DLG2: variants seen among roughly 807,000 people sequenced by gnomAD.
DLG2 encodes discs large MAGUK scaffold protein 2, also known as disks large homolog 2.
In DLG2, 45 loss-of-function variants were observed where a neutral mutation model predicts 132.5. The ratio of observed to expected loss-of-function variants is 0.34; its 90% CI spans 0.27 to 0.44. DLG2 has a LOEUF of 0.44. Ranked by LOEUF, DLG2 falls within the 20% of genes least tolerant of loss-of-function variation. The pLI is 1.00. For synonymous variants in DLG2, 424 were observed against 419.6 expected, an observed-to-expected ratio of 1.01 and a Z score of -0.13; for missense variants, 1,045 against 1,196.9, an observed-to-expected ratio of 0.87 and a Z score of 1.87.
At chr11:83,569,107 TG>T (rs1318137013) in intron 19 of DLG2, among the ~76,000 whole-genome samples, 1 of 152,192 alleles carries the variant, frequency 6.6e-6, no homozygotes, top group Non-Finnish European at 1.5e-5. Flanking sequence ...TTTCCTTCTT[TG>T]GGTGGTAGTA....
intron 18 of DLG2, among the ~76,000 whole-genome samples, chr11:83,720,204 G>A (rs534103745): frequency 7.4e-6 from 1 of 135,324 alleles, no homozygotes; most frequent in South Asian, 2.4e-4. Flanking sequence ...TGAGACATAA[G>A]AATCACTTGA....
intron 3 of DLG2, among the ~76,000 whole-genome samples, chr11:85,326,209 T>C (rs2081444392): frequency 8.8e-6 from 1 of 114,152 alleles, no homozygotes; most frequent in South Asian, 3.6e-4. Flanking sequence ...CAGGATATTA[T>C]CCAGGAGAAC....
chr11:83,557,470 C>T (rs1402158325), intron 19 of DLG2, among the ~76,000 whole-genome samples: 1 of 152,144 alleles, frequency 6.6e-6, no homozygotes, highest in East Asian at 1.9e-4. Context: ...TTAGGAATTT[C>T]TCGTTACCTC....
chr11:84,904,260 T>C (rs888358729), intron 6 of DLG2, among the ~76,000 whole-genome samples: 1 of 152,206 alleles, frequency 6.6e-6, no homozygotes, highest in Non-Finnish European at 1.5e-5. Flanking sequence ...CTACCTACTG[T>C]GTAATGATAC....
intron 9 of DLG2, among the ~76,000 whole-genome samples, chr11:84,103,611 A>G (rs2092696101): frequency 1.3e-5 from 2 of 152,192 alleles, no homozygotes; most frequent in African/African-American, 4.8e-5. Flanking sequence ...TTAATTGTTC[A>G]TATTTGCTGA....
At chr11:84,894,293 T>A (rs893576567) in intron 6 of DLG2, among the ~76,000 whole-genome samples, 17 of 152,284 alleles carry the variant, frequency 1.1e-4, no homozygotes, top group East Asian at 3.9e-4. Flanking sequence ...AGCAGAAATC[T>A]TATCTTGCCT....
chr11:85,492,699 T>G (rs1426796936), intron 3 of DLG2, among the ~76,000 whole-genome samples: 1 of 145,628 alleles, frequency 6.9e-6, no homozygotes, highest in African/African-American at 2.8e-5. Flanking sequence ...GAGGGTATAT[T>G]TGGGATGGTC....
intron 3 of DLG2, among the ~76,000 whole-genome samples, chr11:85,290,081 G>T (rs1034716959): frequency 1.3e-5 from 2 of 152,124 alleles, no homozygotes; most frequent in Middle Eastern, 3.4e-3. Flanking sequence ...TGAATTCTTG[G>T]TAATTTTCAT....
intron 11 of DLG2, among the ~76,000 whole-genome samples, chr11:84,058,971 C>G (rs931683240): frequency 6.6e-6 from 1 of 151,634 alleles, no homozygotes; most frequent in South Asian, 2.1e-4. Flanking sequence ...TACTATTTTG[C>G]CAAATGAGAG....
At chr11:84,421,755 T>G (rs771624056) in intron 7 of DLG2, among the ~76,000 whole-genome samples, 1 of 152,188 alleles carries the variant, frequency 6.6e-6, no homozygotes, top group Non-Finnish European at 1.5e-5. Flanking sequence ...CCCATTCCCT[T>G]GTGTACCTGC....
intron 4 of DLG2, among the ~76,000 whole-genome samples, chr11:85,203,249 G>T (rs1043548001): frequency 6.6e-6 from 1 of 151,396 alleles, no homozygotes; most frequent in Non-Finnish European, 1.5e-5. Flanking sequence ...TGAAAATCTG[G>T]TTTTTTAAAG....
rs561881436 is a variant in DLG2 at position 83,838,108 on chromosome 11, T to C, written c.1566-4338A>G. ...ACATTTGTCCCTGTGCTAGATATTG[T>C]GCTTGATGCTTTATATGAATCATTT... On this transcript the variant is annotated intron_variant, in intron 16 of 27. Coordinates refer to ENST00000376104, the MANE Select transcript of DLG2 (RefSeq NM_001142699.3). Among the ~76,000 whole-genome samples the C allele has an allele frequency of 2.2e-4, 34 of 152,294 alleles. 1 individual carries two copies. The South Asian group carries it at 7.0e-3, about 32-fold the overall frequency.
intron 10 of DLG2, among the ~76,000 whole-genome samples, chr11:84,069,734 G>A (rs60907676): frequency 0.013 from 2,028 of 152,302 alleles, 44 homozygotes; most frequent in African/African-American, 0.045. Flanking sequence ...TTCCACAATG[G>A]GGACAGAAAT....
rs113675832 is a variant in DLG2, at chr11:83,933,085, G to T, written c.1341-2602C>A. 7.1e-3 allele frequency among the ~76,000 whole-genome samples: 1,075 copies of T among 152,258 alleles called. 4 individuals carry two copies. The highest frequency in any genetic ancestry group is 0.031 in the Middle Eastern group (9 of 294). On this transcript the variant is annotated intron_variant, in intron 14 of 27. Transcript: ENST00000376104. Reference sequence around the variant, plus strand: ...TAGTCTTTCCCTGCAGTTATATTCTGTGTGACCTCTGCCCATCAGACAAAC... The same window carrying T: ...TAGTCTTTCCCTGCAGTTATATTCTTTGTGACCTCTGCCCATCAGACAAAC...
chr11:83,572,540 C>A (rs1407781606), intron 19 of DLG2, among the ~76,000 whole-genome samples: 1 of 152,160 alleles, frequency 6.6e-6, no homozygotes, highest in African/African-American at 2.4e-5. Flanking sequence ...AGACCTATCT[C>A]CCCCTATTCA....
chr11:84,091,622 T>C (rs1237069157), intron 10 of DLG2, among the ~76,000 whole-genome samples: 13 of 152,258 alleles, frequency 8.5e-5, no homozygotes, highest in Non-Finnish European at 1.9e-4. Context: ...AGAATTTATA[T>C]GTCTATATTA....
rs1211489917 is a variant in DLG2, at chr11:85,605,777, G to A, written c.-92-6989C>T. On this transcript the variant is annotated intron_variant, in intron 2 of 27. Coordinates refer to ENST00000376104, the MANE Select transcript of DLG2 (RefSeq NM_001142699.3). ...GCAGATCACCTGAGGTCAGGAGATCGAGACCAGCCTGACCAACATGGTGAA... is the reference window on the plus strand; with the variant it reads ...GCAGATCACCTGAGGTCAGGAGATCAAGACCAGCCTGACCAACATGGTGAA... 4.6e-5 allele frequency among the ~76,000 whole-genome samples: 7 copies of A among 152,284 alleles called. No homozygotes were observed. The South Asian group carries it at 6.2e-4, about 14-fold the overall frequency.
chr11:83,769,715 C>A (rs573066683), intron 18 of DLG2, among the ~76,000 whole-genome samples: 1 of 152,158 alleles, frequency 6.6e-6, no homozygotes, highest in East Asian at 1.9e-4. Flanking sequence ...AGGCGCCCAC[C>A]ACTACGCCTG....
At chr11:84,656,999 A>G (rs571949723) in intron 6 of DLG2, among the ~76,000 whole-genome samples, 22 of 152,264 alleles carry the variant, frequency 1.4e-4, no homozygotes, top group African/African-American at 4.3e-4. Flanking sequence ...CTTAACCTTA[A>G]CAACGATTCT....
Sources: allele counts gnomAD v4.1 joint callset (sites outside exome capture counted in the v4.1 genomes callset), GRCh38; gene constraint gnomAD v4.1.1; transcripts MANE v1.5; gene names NCBI Gene and HGNC (gene_info 2026-07-23, HGNC 2026-07-21).